Variants in TANK observed in about 807,000 individuals in gnomAD.
TANK encodes the protein TRAF family member associated NFKB activator, also known as TRAF family member-associated NF-kappa-B activator.
Under a neutral mutation model 43.6 loss-of-function variants are expected in TANK, and 15 were observed. That is an observed-to-expected ratio of 0.34 (90% CI 0.23 to 0.53). The LOEUF is 0.53. TANK is among the 20% of genes least tolerant of loss of function. The pLI is 0.94. For synonymous variants in TANK, 162 were observed against 178.2 expected (o/e 0.91, Z 0.73); for missense variants, 417 against 498.6 (o/e 0.84, Z 1.56).
At chr2:161,150,721 G>C (rs1299426286) in intron 1 of TANK, among the ~76,000 whole-genome samples, 2 of 150,936 alleles carry the variant, frequency 1.3e-5, no homozygotes, top group Non-Finnish European at 2.9e-5. Flanking sequence ...CAAATAGCCG[G>C]GATTACAGGC....
At chr2:161,158,699 A>G (rs1684288547), upstream of TANK, among the ~76,000 whole-genome samples, 1 of 152,266 alleles carries the variant, frequency 6.6e-6, no homozygotes, top group African/African-American at 2.4e-5. Context: ...AGTGCTGAAT[A>G]AACTGGACTT....
At chr2:161,167,825 C>G (rs1573972044) in intron 1 of TANK, among the ~76,000 whole-genome samples, 2 of 151,952 alleles carry the variant, frequency 1.3e-5, no homozygotes, top group Non-Finnish European at 2.9e-5. Flanking sequence ...AGGGTTTCAC[C>G]GTGTTAGCCA....
intron 7 of TANK, among the ~76,000 whole-genome samples, chr2:161,232,065 T>C (rs1174800814): frequency 1.3e-5 from 2 of 152,224 alleles, no homozygotes; most frequent in African/African-American, 4.8e-5. Context: ...CTGTAGGGTT[T>C]AGTTTGGTTT....
chr2:161,212,612 T>C, intron 4 of TANK: 1 of 985,426 alleles, frequency 1.0e-6, no homozygotes, highest in Non-Finnish European at 1.2e-6. Context: ...TTGTCTTTCC[T>C]AACTTAGAAG....
At chr2:161,217,221 C>G (rs374530504) in intron 4 of TANK, among the ~76,000 whole-genome samples, 1 of 152,288 alleles carries the variant, frequency 6.6e-6, no homozygotes, top group East Asian at 1.9e-4. Flanking sequence ...GCTCCAATCT[C>G]CATTCAATCC....
chr2:161,211,337 C>T (rs1686878428), intron 4 of TANK, among the ~76,000 whole-genome samples: 1 of 152,146 alleles, frequency 6.6e-6, no homozygotes. Flanking sequence ...ACTTAGGGAT[C>T]TTCGTCTGAG....
At chr2:161,197,126 G>GTTTT (rs1686187576) in intron 2 of TANK, among the ~76,000 whole-genome samples, 3 of 152,152 alleles carry the variant, frequency 2.0e-5, no homozygotes, top group Admixed American at 6.5e-5. Context: ...GGATGATACT[G>GTTTT]CCATGTTTTA....
At chr2:161,166,548 T>G (rs1019994383) in intron 1 of TANK, among the ~76,000 whole-genome samples, 1 of 152,212 alleles carries the variant, frequency 6.6e-6, no homozygotes, top group East Asian at 1.9e-4. Flanking sequence ...ATATGTCGTG[T>G]TGTTGACTGA....
chr2:161,208,252 CT>C (rs1341957571), intron 4 of TANK: 7 of 980,096 alleles, frequency 7.1e-6, no homozygotes, highest in Non-Finnish European at 8.5e-6. Context: ...GAAAGAGGCC[CT>C]TTTAGAAAAT....
intron 2 of TANK, among the ~76,000 whole-genome samples, chr2:161,185,790 C>T (rs1188289774): frequency 1.3e-5 from 2 of 151,444 alleles, no homozygotes; most frequent in Admixed American, 1.3e-4. Flanking sequence ...TGTAGCGCAC[C>T]AGCATGGCAC....
rs1684361385 is a variant in TANK, at chr2:161,160,436, A to T, written c.-100A>T. 8.1e-7 allele frequency: 1 copy of T among 1,240,188 alleles called. No homozygotes were observed. Among genetic ancestry groups the T allele is most frequent in the Admixed American group, 4.1e-5 (1 of 24,240 alleles). The allele number at this position is 1,240,188 out of a possible 1,614,324, so 76.8% of individuals were successfully genotyped here. A position where few individuals can be genotyped will look rare whatever the true frequency, so the allele number is the denominator to read the frequency against. On this transcript the variant is annotated 5_prime_UTR_variant, in exon 1 of 8. Transcript: ENST00000392749. ...AACTTCCGGTTGGAGTCACTCGGCC[A>T]GGCGCCGGCGACCTGAGGGGAGAGG... is the stretch of plus-strand genomic sequence containing the variant.
In TANK at chr2:161,203,471, G is replaced by A; in HGVS notation, c.100-16G>A. ...CTATCAGTGAATATCAGGCTAACTG[G>A]TTTTTATGTCAGCAGACTGAGAACT... On this transcript the variant is annotated splice_polypyrimidine_tract_variant and intron_variant, in intron 2 of 7. Transcript: ENST00000392749. The A allele has an allele frequency of 6.3e-7, 1 of 1,581,980 alleles. No individual in the cohort carries two copies. The highest frequency in any genetic ancestry group is 1.1e-5 in the South Asian group (1 of 88,140).
At position 161,149,306 on chromosome 2, in the gene TANK, G is replaced by GA. The variant is rs535937132; in HGVS notation, c.-50+12249dup. On this transcript the variant is annotated intron_variant, in intron 1 of 7. Coordinates refer to the TANK transcript ENST00000259075. ...TAAGAGGGTTCATTGGCAATGTATA[G>GA]AAAAAACTGATTTTTGAGTGTTTAT... 2.4e-4 allele frequency among the ~76,000 whole-genome samples: 36 copies of GA among 152,198 alleles called. No individual in the cohort carries two copies. In the East Asian group the frequency reaches 6.6e-3, roughly 28 times the overall value.
At chr2:161,161,129 C>A in intron 1 of TANK, 1 of 1,309,844 alleles carries the variant, frequency 7.6e-7, no homozygotes. Flanking sequence ...CCGGTGTAAA[C>A]TGACTAGCAA....
chr2:161,232,744 A>C (rs763621253), intron 7 of TANK: 2 of 1,549,828 alleles, frequency 1.3e-6, no homozygotes, highest in South Asian at 2.4e-5. Context: ...CTGTGCATTC[A>C]TGTTTCAGTA....
chr2:161,151,033 T>G (rs1242124714), intron 1 of TANK, among the ~76,000 whole-genome samples: 10 of 152,262 alleles, frequency 6.6e-5, no homozygotes, highest in Non-Finnish European at 1.0e-4. Flanking sequence ...GATTTATCCT[T>G]GTGACTCATT....
chr2:161,176,982 C>A (rs540502140), intron 1 of TANK, among the ~76,000 whole-genome samples: 2 of 152,080 alleles, frequency 1.3e-5, no homozygotes, highest in African/African-American at 4.8e-5. Flanking sequence ...CTTTTTCTTT[C>A]CTCTTTGCAT....
chr2:161,138,160 A>G (rs922367274), intron 1 of TANK: 29 of 159,694 alleles, frequency 1.8e-4, no homozygotes, highest in African/African-American at 6.3e-4. Flanking sequence ...TCATATTTTC[A>G]CAACCAAAAA....
At chr2:161,142,664 C>G (rs1450290853) in intron 1 of TANK, among the ~76,000 whole-genome samples, 1 of 152,110 alleles carries the variant, frequency 6.6e-6, no homozygotes, top group Non-Finnish European at 1.5e-5. Flanking sequence ...GGTCTCTGTT[C>G]TGCTCCATTG....
Sources: allele counts gnomAD v4.1 joint callset (sites outside exome capture counted in the v4.1 genomes callset), GRCh38; gene constraint gnomAD v4.1.1; transcripts MANE v1.5; gene names NCBI Gene and HGNC (gene_info 2026-07-23, HGNC 2026-07-21).